GABRB1: variants seen among roughly 807,000 people sequenced by gnomAD.
GABRB1 encodes the protein gamma-aminobutyric acid receptor subunit beta-1.
GABRB1 carries 17 observed loss-of-function variants against 51.6 expected under a neutral mutation model. The observed-to-expected ratio is 0.33, with a 90% CI of 0.23 to 0.49. The LOEUF is 0.49. GABRB1 is among the 20% of genes least tolerant of loss of function. GABRB1 has a pLI of 0.99. For missense variants in GABRB1, 410 were observed against 600.6 expected, an observed-to-expected ratio of 0.68 and a Z score of 3.32; for synonymous variants, 247 against 218.9, an observed-to-expected ratio of 1.13 and a Z score of -1.14.
intron 3 of GABRB1, among the ~76,000 whole-genome samples, chr4:47,064,664 GAGAAA>G (rs1422589569): frequency 1.6e-5 from 2 of 126,246 alleles, no homozygotes; most frequent in Non-Finnish European, 1.7e-5. Context: ...AAAAAAAAAA[GAGAAA>G]AGAAAAGAAA....
intron 5 of GABRB1, among the ~76,000 whole-genome samples, chr4:47,334,327 C>T (rs1362892714): frequency 6.6e-6 from 1 of 152,152 alleles, no homozygotes; most frequent in African/African-American, 2.4e-5. Context: ...TGTTTGCTTC[C>T]TAATGTGATT....
chr4:47,309,149 G>A (rs919327376), intron 4 of GABRB1, among the ~76,000 whole-genome samples: 1 of 152,062 alleles, frequency 6.6e-6, no homozygotes, highest in African/African-American at 2.4e-5. Flanking sequence ...AGGAAAAATA[G>A]TATGTCTTGA....
intron 4 of GABRB1, among the ~76,000 whole-genome samples, chr4:47,260,599 T>G (rs2109877200): frequency 6.6e-6 from 1 of 152,286 alleles, no homozygotes; most frequent in South Asian, 2.1e-4. Flanking sequence ...TTAGTTTGGC[T>G]GGATATGAAA....
At chr4:47,390,977 A>G (rs1191177100) in intron 5 of GABRB1, among the ~76,000 whole-genome samples, 1 of 152,090 alleles carries the variant, frequency 6.6e-6, no homozygotes, top group East Asian at 1.9e-4. Context: ...AGAGTTAGAG[A>G]CCAGCCTGGC....
chr4:47,180,110 G>A (rs952183731), intron 4 of GABRB1, among the ~76,000 whole-genome samples: 1 of 152,046 alleles, frequency 6.6e-6, no homozygotes, highest in South Asian at 2.1e-4. Flanking sequence ...CAGCAGCACA[G>A]GCACTAGTCA....
At chr4:47,166,643 A>T (rs1718200622) in intron 4 of GABRB1, among the ~76,000 whole-genome samples, 1 of 152,148 alleles carries the variant, frequency 6.6e-6, no homozygotes, top group Admixed American at 6.6e-5. Context: ...GAGAGAGTCC[A>T]TAGTTATACA....
chr4:47,016,939 G>A (rs1209636810), intron 1 of GABRB1, among the ~76,000 whole-genome samples: 1 of 152,094 alleles, frequency 6.6e-6, no homozygotes, highest in Admixed American at 6.6e-5. Context: ...TTAAATGAGG[G>A]TAGAATCAGT....
intron 5 of GABRB1, among the ~76,000 whole-genome samples, chr4:47,335,350 A>G (rs559074469): frequency 6.6e-6 from 1 of 152,154 alleles, no homozygotes; most frequent in Admixed American, 6.5e-5. Flanking sequence ...GAATTTGTAC[A>G]TGTTATATGT....
chr4:47,393,303 T>C (rs1216183748), intron 5 of GABRB1, among the ~76,000 whole-genome samples: 4 of 152,192 alleles, frequency 2.6e-5, no homozygotes, highest in Non-Finnish European at 4.4e-5. Context: ...TGAGAATCAG[T>C]CCTTGACCTC....
intron 4 of GABRB1, among the ~76,000 whole-genome samples, chr4:47,287,752 T>A (rs1723564444): frequency 6.6e-6 from 1 of 152,242 alleles, no homozygotes; most frequent in Admixed American, 6.5e-5. Context: ...CAGCTGGCCC[T>A]TTCTTGCTAT....
intron 4 of GABRB1, among the ~76,000 whole-genome samples, chr4:47,194,038 C>T (rs955022575): frequency 1.3e-5 from 2 of 152,148 alleles, no homozygotes; most frequent in Admixed American, 6.5e-5. Flanking sequence ...CTATACCCTG[C>T]TTCTCTTTAA....
intron 5 of GABRB1, among the ~76,000 whole-genome samples, chr4:47,352,516 A>G (rs1311676074): frequency 6.6e-6 from 1 of 152,236 alleles, no homozygotes; most frequent in Non-Finnish European, 1.5e-5. Context: ...AAAAATCCTC[A>G]ATAAAATACT....
At chr4:47,297,303 A>C (rs372146702) in intron 4 of GABRB1, among the ~76,000 whole-genome samples, 5,445 of 119,982 alleles carry the variant, frequency 0.045, 337 homozygotes, top group Non-Finnish European at 0.071. Flanking sequence ...CCCTTCAAAA[A>C]ATTAATGAAT....
intron 4 of GABRB1, among the ~76,000 whole-genome samples, chr4:47,295,674 A>T (rs1275302256): frequency 6.6e-6 from 1 of 152,222 alleles, no homozygotes; most frequent in African/African-American, 2.4e-5. Flanking sequence ...ACCAAGTTAG[A>T]AAACACTTTG....
intron 4 of GABRB1, among the ~76,000 whole-genome samples, chr4:47,200,827 T>TA (rs762749643): frequency 6.6e-6 from 1 of 152,194 alleles, no homozygotes; most frequent in East Asian, 1.9e-4. Context: ...GACCTTGATT[T>TA]AACATCACTC....
intron 3 of GABRB1, among the ~76,000 whole-genome samples, chr4:47,111,066 C>A (rs1329269000): frequency 6.6e-6 from 1 of 151,836 alleles, no homozygotes; most frequent in South Asian, 2.1e-4. Flanking sequence ...TCTCTCAGTG[C>A]GATATGGAAA....
chr4:47,123,661 T>TG (rs1715931777), intron 3 of GABRB1, among the ~76,000 whole-genome samples: 1 of 78,564 alleles, frequency 1.3e-5, no homozygotes, highest in Non-Finnish European at 2.2e-5. Context: ...TATATATAAA[T>TG]ATATATGATA....
intron 5 of GABRB1, among the ~76,000 whole-genome samples, chr4:47,320,770 CT>C (rs11313211): frequency 0.55 from 58,004 of 104,814 alleles, 12,190 homozygotes; most frequent in East Asian, 0.59. Flanking sequence ...TTTCTTTTTT[CT>C]TTTTTTTTTT....
At chr4:47,195,413 TA>T (rs1467318880) in intron 4 of GABRB1, among the ~76,000 whole-genome samples, 8 of 105,156 alleles carry the variant, frequency 7.6e-5, no homozygotes, top group African/African-American at 2.7e-4. Context: ...GATAGATAGA[TA>T]GATAGATAGA....
Sources: allele counts gnomAD v4.1 joint callset (sites outside exome capture counted in the v4.1 genomes callset), GRCh38; gene constraint gnomAD v4.1.1; transcripts MANE v1.5; gene names NCBI Gene and HGNC (gene_info 2026-07-23, HGNC 2026-07-21).